Variants in GLMN observed in about 807,000 individuals in gnomAD.
GLMN encodes the protein glomulin.
Under a neutral mutation model 87.8 loss-of-function variants are expected in GLMN, and 75 were observed. The observed-to-expected ratio is 0.85, with a 90% confidence interval of 0.71 to 1.04. The LOEUF is 1.04. Among genes scored for constraint, GLMN ranks in the 50% least tolerant of loss-of-function variants. The pLI is 0.00. For missense variants in GLMN, 588 were observed against 658.8 expected (o/e 0.89, Z 1.18); for synonymous variants, 206 against 221.6 (o/e 0.93, Z 0.63).
intron 6 of GLMN, among the ~76,000 whole-genome samples, chr1:92,287,349 A>G (rs2101023393): frequency 6.6e-6 from 1 of 152,232 alleles, no homozygotes; most frequent in South Asian, 2.1e-4. Flanking sequence ...TAAATGGTAA[A>G]AAACTTTTTT....
intron 16 of GLMN, among the ~76,000 whole-genome samples, chr1:92,249,203 G>T (rs1371555035): frequency 6.7e-6 from 1 of 149,614 alleles, no homozygotes; most frequent in South Asian, 2.1e-4. Context: ...ATGTACAGAC[G>T]TATTAACCCA....
chr1:92,291,374 C>T, intron 4 of GLMN, 44 bp downstream of exon 4: 2 of 1,470,028 alleles, frequency 1.4e-6, no homozygotes, highest in Non-Finnish European at 1.9e-6. Context: ...TTATAAAATA[C>T]TGCTGTGTGT....
At chr1:92,328,952 T>G in the GLMN span, among the ~76,000 whole-genome samples, 1 of 152,220 alleles carries the variant, frequency 6.6e-6, no homozygotes, top group African/African-American at 2.4e-5. Flanking sequence ...ACCAGGCTTC[T>G]GGCGGGTACT....
chr1:92,273,807 G>T (rs1046082083), intron 7 of GLMN, among the ~76,000 whole-genome samples: 1 of 151,908 alleles, frequency 6.6e-6, no homozygotes, highest in African/African-American at 2.4e-5. Flanking sequence ...CTACAGTGCT[G>T]CTCTGGATAT....
At chr1:92,338,540 C>G in the GLMN span, among the ~76,000 whole-genome samples, 4 of 152,090 alleles carry the variant, frequency 2.6e-5, no homozygotes, top group South Asian at 6.2e-4. Flanking sequence ...TATGGAAACA[C>G]TGAAGTTTAG....
the GLMN span, among the ~76,000 whole-genome samples, chr1:92,317,474 C>T: frequency 6.6e-6 from 1 of 151,904 alleles, no homozygotes; most frequent in Non-Finnish European, 1.5e-5. Context: ...TGCCACTGCA[C>T]TCCAGCCTAG....
At chr1:92,310,087 TGATTA>T in the GLMN span, among the ~76,000 whole-genome samples, 61 of 152,228 alleles carry the variant, frequency 4.0e-4, 2 homozygotes, top group Non-Finnish European at 2.6e-4. Context: ...ATATTCCACT[TGATTA>T]GAAGGAAACA....
At chr1:92,338,869 G>T in the GLMN span, among the ~76,000 whole-genome samples, 1 of 151,906 alleles carries the variant, frequency 6.6e-6, no homozygotes, top group Non-Finnish European at 1.5e-5. Context: ...CTCTCAAAGT[G>T]CTGGGATTAC....
At chr1:92,330,154 C>T in the GLMN span, among the ~76,000 whole-genome samples, 1 of 152,162 alleles carries the variant, frequency 6.6e-6, no homozygotes, top group African/African-American at 2.4e-5. Flanking sequence ...AGCCAGAGAG[C>T]AAGGAAGCCC....
chr1:92,351,052 G>A, the GLMN span, among the ~76,000 whole-genome samples: 9 of 152,004 alleles, frequency 5.9e-5, no homozygotes, highest in East Asian at 1.9e-4. Context: ...AGTGTCTCAC[G>A]CCTGTGAGCA....
At chr1:92,288,216 C>G (rs1323474203) in intron 6 of GLMN, among the ~76,000 whole-genome samples, 2 of 151,918 alleles carry the variant, frequency 1.3e-5, no homozygotes, top group African/African-American at 4.8e-5. Context: ...TTTTTGTGGT[C>G]CAGTTGGATG....
At chr1:92,305,450 A>AAAAAAAAAAAAC in the GLMN span, among the ~76,000 whole-genome samples, 119 of 141,880 alleles carry the variant, frequency 8.4e-4, 6 homozygotes, top group African/African-American at 3.2e-3. Flanking sequence ...AAAAAAAAAA[A>AAAAAAAAAAAAC]AGACAATATG....
Position 92,271,623 on chromosome 1 carries a change from G to A in GLMN, c.765C>T (p.Phe255=), listed in dbSNP as rs149618929. The A allele has an allele frequency of 1.5e-4, 245 of 1,612,442 alleles. 1 individual carries two copies. In the Middle Eastern group the frequency reaches 1.6e-3, roughly 11 times the overall value. Residue 255 remains phenylalanine, a synonymous_variant, in exon 8 of 19, where the codon TTC becomes TTT. Transcript: ENST00000370360. ...IGFLSAIGHP[F]PKMIFNHGRK... Reference sequence around the variant, plus strand: ...TTCCATGATTAAAAATCATTTTGGGGAAAGGGTGTCCAATTGCTGATAAAA... The same window carrying A: ...TTCCATGATTAAAAATCATTTTGGGAAAAGGGTGTCCAATTGCTGATAAAA...
chr1:92,260,792 T>G (rs1404611837), intron 16 of GLMN, among the ~76,000 whole-genome samples: 5 of 140,016 alleles, frequency 3.6e-5, no homozygotes, highest in African/African-American at 5.2e-5. Flanking sequence ...AAAAAGGCAG[T>G]CCTATAGGCT....
the GLMN span, among the ~76,000 whole-genome samples, chr1:92,357,849 A>G: frequency 1.3e-5 from 2 of 152,228 alleles, no homozygotes; most frequent in East Asian, 3.8e-4. Flanking sequence ...TAAATTCTTT[A>G]ATGGCAGACA....
chr1:92,286,970 C>T (rs995004474), intron 6 of GLMN, among the ~76,000 whole-genome samples: 2 of 152,196 alleles, frequency 1.3e-5, no homozygotes, highest in Non-Finnish European at 2.9e-5. Context: ...ATAAATCACC[C>T]AGTCTTAGGT....
the GLMN span, chr1:92,320,500 T>C: frequency 1.2e-5 from 10 of 867,628 alleles, no homozygotes; most frequent in Non-Finnish European, 1.7e-5. Context: ...CTCAATCTCC[T>C]GACCTCGAGA....
chr1:92,309,838 C>T, the GLMN span, among the ~76,000 whole-genome samples: 6 of 152,006 alleles, frequency 3.9e-5, no homozygotes, highest in African/African-American at 1.2e-4. Flanking sequence ...ATTTGGGAAA[C>T]GAGAAGATAA....
At chr1:92,334,324 G>A in the GLMN span, among the ~76,000 whole-genome samples, 1 of 151,702 alleles carries the variant, frequency 6.6e-6, no homozygotes, top group Non-Finnish European at 1.5e-5. Context: ...GACCTTTTTT[G>A]GTTTTTTATT....
Sources: gnomAD v4.1 joint callset for allele counts (sites outside exome capture counted in the v4.1 genomes callset) on GRCh38, gnomAD v4.1.1 for gene constraint, MANE v1.5 for transcripts, NCBI Gene and HGNC (gene_info 2026-07-23, HGNC 2026-07-21) for gene names.